The following TNS3 variants were observed in gnomAD, a reference collection of about 807,000 sequenced individuals.
TNS3 encodes the protein tensin 3.
TNS3 carries 45 observed loss-of-function variants against 140.9 expected under a neutral mutation model. The ratio of observed to expected loss-of-function variants is 0.32; its 90% CI spans 0.25 to 0.41. The LOEUF (loss-of-function observed/expected upper bound fraction) is 0.41, where lower values mean the gene tolerates loss of function less well. Ranked by LOEUF, TNS3 falls within the 10% of genes least tolerant of loss-of-function variation. TNS3 has a pLI of 1.00. For missense variants in TNS3, 1,716 were observed against 1,906.7 expected, an observed-to-expected ratio of 0.90 and a Z score of 1.86; for synonymous variants, 815 against 788.4, an observed-to-expected ratio of 1.03 and a Z score of -0.56.
At chr7:47,286,536 G>GC (rs956390227) in intron 27 of TNS3, among the ~76,000 whole-genome samples, 12 of 152,040 alleles carry the variant, frequency 7.9e-5, no homozygotes, top group Admixed American at 1.3e-4. Flanking sequence ...AAGATTCAGT[G>GC]CCCAGTAAGA....
intron 8 of TNS3, among the ~76,000 whole-genome samples, chr7:47,434,675 A>T (rs972590768): frequency 6.6e-6 from 1 of 152,224 alleles, no homozygotes; most frequent in Non-Finnish European, 1.5e-5. Context: ...GAAGCATGGA[A>T]GGAGCCCGAT....
At chr7:47,339,265 A>T (rs572858087) in intron 20 of TNS3, among the ~76,000 whole-genome samples, 1 of 152,180 alleles carries the variant, frequency 6.6e-6, no homozygotes, top group African/African-American at 2.4e-5. Flanking sequence ...TCCTAACCTC[A>T]TAACTCTTTG....
At chr7:47,569,018 T>C (rs1212782684) in intron 1 of TNS3, among the ~76,000 whole-genome samples, 1 of 152,258 alleles carries the variant, frequency 6.6e-6, no homozygotes, top group African/African-American at 2.4e-5. Flanking sequence ...ATCTGAGCAG[T>C]TGCTCATCTG....
At chr7:47,502,905 A>G (rs1003330849) in intron 3 of TNS3, among the ~76,000 whole-genome samples, 1 of 152,214 alleles carries the variant, frequency 6.6e-6, no homozygotes, top group Non-Finnish European at 1.5e-5. Context: ...AGGCACATGC[A>G]GAGAGAGAAA....
chr7:47,316,008 C>T (rs1787372878), intron 20 of TNS3, among the ~76,000 whole-genome samples: 1 of 152,080 alleles, frequency 6.6e-6, no homozygotes, highest in African/African-American at 2.4e-5. Context: ...CCTAAAAATA[C>T]AGTCTCAATC....
chr7:47,570,839 G>C (rs539443578), intron 1 of TNS3, among the ~76,000 whole-genome samples: 1 of 151,220 alleles, frequency 6.6e-6, no homozygotes, highest in African/African-American at 2.4e-5. Context: ...TTTTTTTTAA[G>C]CAGCAGCAGC....
At chr7:47,345,313 T>C (rs564581552) in intron 18 of TNS3, among the ~76,000 whole-genome samples, 2 of 152,318 alleles carry the variant, frequency 1.3e-5, no homozygotes, top group East Asian at 3.9e-4. Context: ...ATAAGTGAAG[T>C]AGACAGAGTT....
At position 47,276,639 on chromosome 7, in the gene TNS3, C is replaced by T. The variant is rs1784881368; in HGVS notation, c.*1437G>A. ...CTCCATCTTTCACTCTGGGGATGTTCCAGGGTCACAAATTCCCCCAAACCT... is the reference window on the plus strand; with the variant it reads ...CTCCATCTTTCACTCTGGGGATGTTTCAGGGTCACAAATTCCCCCAAACCT... On this transcript the variant is annotated 3_prime_UTR_variant, in exon 31 of 31. Coordinates refer to ENST00000311160, the MANE Select transcript of TNS3 (RefSeq NM_022748.12). 6.6e-6 allele frequency: 1 copy of T among 152,190 alleles called. No homozygotes were observed. Among genetic ancestry groups the T allele is most frequent in the Non-Finnish European group, 1.5e-5 (1 of 68,084 alleles). The allele number at this position is 152,190 out of a possible 1,614,324, so 9.4% of individuals were successfully genotyped here.
At chr7:47,316,102 CTCTCT>C (rs1787387675) in intron 20 of TNS3, among the ~76,000 whole-genome samples, 1 of 18,184 alleles carries the variant, frequency 5.5e-5, no homozygotes, top group African/African-American at 1.9e-4. Context: ...ATTTCTCTCT[CTCTCT>C]CTCTCTCTCT....
chr7:47,516,439 G>A (rs932155587), intron 2 of TNS3, among the ~76,000 whole-genome samples: 1 of 151,960 alleles, frequency 6.6e-6, no homozygotes, highest in Non-Finnish European at 1.5e-5. Context: ...TGCAGTGACT[G>A]CCAGGACCCC....
At chr7:47,367,023 G>A (rs80076280) in intron 17 of TNS3, among the ~76,000 whole-genome samples, 39 of 152,278 alleles carry the variant, frequency 2.6e-4, no homozygotes, top group East Asian at 5.8e-4. Context: ...ACACCCCAAC[G>A]TGCCAATGTG....
chr7:47,303,086 C>T lies in TNS3; in HGVS notation c.3321G>A (p.Gly1107=), dbSNP rs1219894658. Reference sequence around the variant, plus strand: ...GAGAGACTGAGCCCAAAGAACGATCCCCCTCCGAGGCCCGCTTCTTCTCAG... The same window carrying T: ...GAGAGACTGAGCCCAAAGAACGATCTCCCTCCGAGGCCCGCTTCTTCTCAG... ...PLPEKKRASE[G]DRSLGSVSPS... Residue 1107 remains glycine, a synonymous_variant, in exon 22 of 31, where the codon GGG becomes GGA. Transcript: ENST00000311160. 2 of 1,614,034 alleles carry T rather than the reference C, an allele frequency of 1.2e-6. No homozygotes were observed. The highest frequency in any genetic ancestry group is 3.3e-5 in the Admixed American group (2 of 60,004).
In TNS3 at chr7:47,314,343, C is replaced by T. The variant is rs1787273183; in HGVS notation, c.2651-9340G>A. Among the ~76,000 whole-genome samples the T allele has an allele frequency of 2.0e-5, 3 of 152,272 alleles. No homozygotes were observed. The South Asian group carries it at 6.2e-4, about 32-fold the overall frequency. ...GTCTGCACAGCTCCTCGAGATGTGC[C>T]CATGCTTAACGGAAGAGGAGAGCGA... On this transcript the variant is annotated intron_variant, in intron 20 of 30. Coordinates refer to ENST00000311160, the MANE Select transcript of TNS3 (RefSeq NM_022748.12).
chr7:47,284,113 C>T (rs1785288462), intron 27 of TNS3, among the ~76,000 whole-genome samples: 1 of 152,204 alleles, frequency 6.6e-6, no homozygotes, highest in Non-Finnish European at 1.5e-5. Flanking sequence ...GCAAAGCAGA[C>T]CCGCCTGGTG....
intron 2 of TNS3, among the ~76,000 whole-genome samples, chr7:47,528,490 G>A (rs1207588670): frequency 6.6e-6 from 1 of 152,104 alleles, no homozygotes; most frequent in Non-Finnish European, 1.5e-5. Flanking sequence ...CCGCCAAGCA[G>A]CCCCTGCCCC....
intron 23 of TNS3, among the ~76,000 whole-genome samples, chr7:47,299,946 T>G (rs1001759993): frequency 2.0e-5 from 3 of 152,198 alleles, no homozygotes; most frequent in African/African-American, 7.2e-5. Context: ...TGGAGAAGCA[T>G]CTGGAGAAGC....
rs1338626291 is a variant in TNS3, at chr7:47,368,556, T to C, written c.2090A>G (p.Gln697Arg). The C allele has an allele frequency of 1.3e-6, 2 of 1,573,426 alleles. No individual in the cohort carries two copies. Among genetic ancestry groups the C allele is most frequent in the Non-Finnish European group, 1.7e-6 (2 of 1,155,204 alleles). Residue 697 changes from glutamine (Q) to arginine (R), a missense_variant, in exon 17 of 31, where the codon CAG becomes CGG. Coordinates refer to ENST00000311160, the MANE Select transcript of TNS3 (RefSeq NM_022748.12). ...CAGCCTGTTGAGCTGCTCGATGGAC[T>C]GGTCGATGTCCAGGGTGGGCGAGCC... Reference protein sequence around the residue: ...SPGSPTLDIDQSIEQLNRLIL... With the variant: ...SPGSPTLDIDRSIEQLNRLIL...
chr7:47,316,889 C>T lies in TNS3; in HGVS notation c.2651-11886G>A, dbSNP rs77899568. 1.9e-3 allele frequency among the ~76,000 whole-genome samples: 293 copies of T among 152,000 alleles called. 5 individuals carry two copies. The East Asian group carries it at 0.052, about 27-fold the overall frequency. ...AAAGCAAAGAGAAAATGGCAGGCAG[C>T]CAGATATAATGAGAATTAATTAGTG... On this transcript the variant is annotated intron_variant, in intron 20 of 30. Transcript: ENST00000311160.
At chr7:47,458,030 A>G (rs1796328361) in intron 4 of TNS3, among the ~76,000 whole-genome samples, 1 of 152,246 alleles carries the variant, frequency 6.6e-6, no homozygotes, top group African/African-American at 2.4e-5. Flanking sequence ...GCTCAGGTCA[A>G]TCCTAAAACC....
Sources: allele counts gnomAD v4.1 joint callset (sites outside exome capture counted in the v4.1 genomes callset), GRCh38; gene constraint gnomAD v4.1.1; transcripts MANE v1.5; gene names NCBI Gene and HGNC (gene_info 2026-07-23, HGNC 2026-07-21).